TIAM2: variants seen among roughly 807,000 people sequenced by gnomAD.
TIAM2 encodes the protein TIAM Rac1 associated GEF 2, also known as rho guanine nucleotide exchange factor TIAM2.
A neutral mutation model predicts 152.9 loss-of-function variants in TIAM2; 80 were observed. That is an observed-to-expected ratio of 0.52 (90% CI 0.44 to 0.63). The LOEUF (loss-of-function observed/expected upper bound fraction) is 0.63. Among genes scored for constraint, TIAM2 ranks in the 30% least tolerant of loss-of-function variants. The pLI, the probability that TIAM2 is intolerant of heterozygous loss-of-function variation, is 0.00. For missense variants in TIAM2, 1,965 were observed against 2,120.1 expected (o/e 0.93, Z 1.44); for synonymous variants, 804 against 838.0 (o/e 0.96, Z 0.70).
At chr6:155,038,557 A>G (rs1302062355) in intron 1 of TIAM2, among the ~76,000 whole-genome samples, 1 of 152,240 alleles carries the variant, frequency 6.6e-6, no homozygotes, top group Non-Finnish European at 1.5e-5. Context: ...CTACTAAGAC[A>G]ATGCTGATAT....
At chr6:155,208,359 AC>A (rs1464130085) in intron 14 of TIAM2, among the ~76,000 whole-genome samples, 2 of 151,266 alleles carry the variant, frequency 1.3e-5, no homozygotes, top group Admixed American at 1.3e-4. Flanking sequence ...CTTGAGAATC[AC>A]CCCCTCCTGT....
intron 10 of TIAM2, among the ~76,000 whole-genome samples, chr6:155,178,785 G>A (rs1233782809): frequency 1.3e-5 from 2 of 152,098 alleles, no homozygotes; most frequent in African/African-American, 4.8e-5. Flanking sequence ...GTATTGGCTA[G>A]GCTGGTCTCC....
chr6:155,146,403 T>C (rs958340212), intron 6 of TIAM2, among the ~76,000 whole-genome samples: 2 of 152,030 alleles, frequency 1.3e-5, no homozygotes, highest in Admixed American at 1.3e-4. Context: ...AACAGAATTT[T>C]CCCAGGTGTT....
intron 5 of TIAM2, among the ~76,000 whole-genome samples, chr6:155,141,873 C>T (rs1045802662): frequency 1.3e-5 from 2 of 152,172 alleles, no homozygotes; most frequent in Non-Finnish European, 2.9e-5. Context: ...TGCCCTCTTT[C>T]CCCTGGGTGA....
chr6:155,010,960 C>T (rs1186822584), intron 1 of TIAM2, among the ~76,000 whole-genome samples: 2 of 151,660 alleles, frequency 1.3e-5, no homozygotes, highest in African/African-American at 2.4e-5. Flanking sequence ...AGGAGAATCG[C>T]TTGAACCCGG....
intron 1 of TIAM2, among the ~76,000 whole-genome samples, chr6:154,998,607 A>T (rs1236782783): frequency 6.6e-6 from 1 of 152,346 alleles, no homozygotes; most frequent in East Asian, 1.9e-4. Flanking sequence ...GCAAGCATTT[A>T]TAAGATTGTG....
At position 155,206,116 on chromosome 6, in the gene TIAM2, G is replaced by T. The variant is rs140787962; in HGVS notation, c.3065-5088G>T. Among the ~76,000 whole-genome samples the T allele has an allele frequency of 4.5e-3, 692 of 152,292 alleles. 2 individuals carry two copies. The highest frequency in any genetic ancestry group is 0.016 in the African/African-American group (661 of 41,556). The stretch of plus-strand genomic sequence containing the variant: ...CGCACAGTTCAGGAGGAAGCTGAAT[G>T]ACCAGGTGTCTCAAACCTAAAGCCA... On this transcript the variant is annotated intron_variant, in intron 14 of 26. Transcript: ENST00000682666.
At chr6:155,131,641 G>A (rs973489285) in intron 4 of TIAM2, among the ~76,000 whole-genome samples, 3 of 150,728 alleles carry the variant, frequency 2.0e-5, no homozygotes, top group Non-Finnish European at 4.4e-5. Context: ...GTACAGTGGT[G>A]CGATCTTGGC....
chr6:155,179,904 C>T (rs1194821470), intron 12 of TIAM2, among the ~76,000 whole-genome samples: 1 of 152,210 alleles, frequency 6.6e-6, no homozygotes, highest in Non-Finnish European at 1.5e-5. Context: ...TGCTGTCCTT[C>T]AAGAACTAAC....
chr6:155,125,124 A>G (rs533415137), intron 2 of TIAM2, among the ~76,000 whole-genome samples: 67 of 152,176 alleles, frequency 4.4e-4, no homozygotes, highest in African/African-American at 1.4e-3. Flanking sequence ...TACAAAAATT[A>G]GCTGGGTGTG....
chr6:155,083,410 G>A (rs1778114714), intron 1 of TIAM2, among the ~76,000 whole-genome samples: 2 of 151,302 alleles, frequency 1.3e-5, no homozygotes, highest in South Asian at 4.2e-4. Context: ...TATTTCATAG[G>A]AAGGAGGAAG....
intron 14 of TIAM2, among the ~76,000 whole-genome samples, chr6:155,188,364 A>G (rs1027656468): frequency 2.0e-5 from 3 of 152,232 alleles, no homozygotes; most frequent in Non-Finnish European, 2.9e-5. Flanking sequence ...AGACAGGAAT[A>G]TATGGAGAAT....
intron 1 of TIAM2, among the ~76,000 whole-genome samples, chr6:155,059,294 CTGTGTGTGTG>C (rs56013145): frequency 0.063 from 7,414 of 117,264 alleles, 637 homozygotes; most frequent in African/African-American, 0.22. Flanking sequence ...GTGTGTGTGT[CTGTGTGTGTG>C]TGTGTGTGTG....
chr6:155,242,160 G>A (rs1783064093), intron 16 of TIAM2, among the ~76,000 whole-genome samples: 1 of 152,148 alleles, frequency 6.6e-6, no homozygotes, highest in Non-Finnish European at 1.5e-5. Context: ...TTTGCCCCCC[G>A]CAGCTCTGCG....
chr6:155,057,017 C>CTTTTTTTTTTTTTTTTTT (rs71023612), intron 1 of TIAM2, among the ~76,000 whole-genome samples: 1 of 43,866 alleles, frequency 2.3e-5, no homozygotes, highest in Non-Finnish European at 4.3e-5. Flanking sequence ...AGTTTTCTTT[C>CTTTTTTTTTTTTTTTTTT]TTTTTTTTTT....
intron 14 of TIAM2, among the ~76,000 whole-genome samples, chr6:155,183,963 C>T (rs1780972759): frequency 6.6e-6 from 1 of 152,062 alleles, no homozygotes; most frequent in African/African-American, 2.4e-5. Context: ...TAATAAACAG[C>T]AAACTTTCTT....
Position 155,213,600 on chromosome 6 carries a change from C to G in TIAM2, c.3168+2293C>G, listed in dbSNP as rs1007519215. Reference sequence around the variant, plus strand: ...TCTGTGGGACTGGCAGCCCAGCCCCCAGACTTCAGGCCTTCCCCGGCTTGA... The same window carrying G: ...TCTGTGGGACTGGCAGCCCAGCCCCGAGACTTCAGGCCTTCCCCGGCTTGA... On this transcript the variant is annotated intron_variant, in intron 15 of 26. Transcript: ENST00000682666. The surrounding 1 kb of genome is among the most constrained non-coding windows in gnomAD (Gnocchi z 4.2). Among the ~76,000 whole-genome samples the G allele has an allele frequency of 6.6e-6, 1 of 152,212 alleles. No individual in the cohort carries two copies. Among genetic ancestry groups the G allele is most frequent in the Non-Finnish European group, 1.5e-5 (1 of 68,030 alleles).
chr6:155,043,111 A>G (rs1002932702), intron 1 of TIAM2, among the ~76,000 whole-genome samples: 4 of 152,184 alleles, frequency 2.6e-5, no homozygotes, highest in African/African-American at 7.2e-5. Flanking sequence ...TTCCAAAAGG[A>G]TAAGAAACTT....
At position 155,165,322 on chromosome 6, in the gene TIAM2, G is replaced by T. The variant is rs764953374; in HGVS notation, c.2274G>T (p.Gly758=). 1 of 1,614,102 alleles carries T rather than the reference G, an allele frequency of 6.2e-7. No homozygotes were observed. The highest frequency in any genetic ancestry group is 8.5e-7 in the Non-Finnish European group (1 of 1,180,020). The change falls in exon 9 of 27, where the codon GGG becomes GGT. Residue 758 remains glycine (G), a synonymous_variant. Coordinates refer to ENST00000682666, the MANE Select transcript of TIAM2 (RefSeq NM_012454.4). ...GGACACTGTCACTGACCCAGCGAGGGAGAAACAAGAAGGGAATATTTTCTT... is the reference window on the plus strand; with the variant it reads ...GGACACTGTCACTGACCCAGCGAGGTAGAAACAAGAAGGGAATATTTTCTT... The part of the protein sequence containing the change: ...RKRTLSLTQR[G]RNKKGIFSSL...
Sources: gnomAD v4.1 joint callset for allele counts (sites outside exome capture counted in the v4.1 genomes callset) on GRCh38, gnomAD v4.1.1 for gene constraint, Gnocchi (gnomAD v3.1) non-coding constraint, MANE v1.5 for transcripts, NCBI Gene and HGNC (gene_info 2026-07-23, HGNC 2026-07-21) for gene names.